KDM6B: variants seen among roughly 807,000 people sequenced by gnomAD.
KDM6B encodes the protein lysine demethylase 6B, also known as lysine-specific demethylase 6B.
Under a neutral mutation model 150.4 loss-of-function variants are expected in KDM6B, and 22 were observed. The observed-to-expected ratio is 0.15, with a 90% CI of 0.10 to 0.21. The LOEUF (loss-of-function observed/expected upper bound fraction) is 0.21, where lower values mean the gene tolerates loss of function less well. Among genes scored for constraint, KDM6B ranks in the 10% least tolerant of loss-of-function variants. The pLI, the probability that KDM6B is intolerant of heterozygous loss-of-function variation, is 1.00. For missense variants in KDM6B, 1,984 were observed against 2,234.3 expected (o/e 0.89, Z 2.26); for synonymous variants, 1,148 against 921.1 (o/e 1.25, Z -4.46).
chr17:7,846,803 C>T lies in KDM6B; in HGVS notation c.712-16C>T, dbSNP rs926857741. ...AGGACTTGGGAATGGGATTCTCACACTCTCTTCTCTCCTAGACTGGCCTTC... is the reference window on the plus strand; with the variant it reads ...AGGACTTGGGAATGGGATTCTCACATTCTCTTCTCTCCTAGACTGGCCTTC... On this transcript the variant is annotated splice_polypyrimidine_tract_variant and intron_variant, in intron 9 of 23. Transcript: ENST00000448097. The T allele has an allele frequency of 3.1e-6, 5 of 1,613,624 alleles. No individual in the cohort carries two copies. Among genetic ancestry groups the T allele is most frequent in the South Asian group, 1.1e-5 (1 of 91,080 alleles).
At chr17:7,840,676 G>A (rs1409986465) in intron 2 of KDM6B, 2 of 152,344 alleles carry the variant, frequency 1.3e-5, no homozygotes, top group Non-Finnish European at 1.5e-5. Flanking sequence ...AGGGGCTTAA[G>A]TTCTCTCTGT....
chr17:7,839,714 C>A (rs192774647), intron 1 of KDM6B, among the ~76,000 whole-genome samples, 192 bp from the exon 2 acceptor site: 1 of 152,102 alleles, frequency 6.6e-6, no homozygotes, highest in Non-Finnish European at 1.5e-5. Context: ...ACCAACTGAT[C>A]GAGCCTGCTT....
rs577570339 is a variant in KDM6B, at chr17:7,847,528, CTG to C, written c.1258-17_1258-16del. The C allele has an allele frequency of 2.4e-4, 391 of 1,613,132 alleles. 1 individual carries two copies. The East Asian group carries it at 8.2e-3, about 34-fold the overall frequency. ...GCAGCCCGAGCAATGCTCCTACCAC[CTG>C]CTTCTACACTTGCAGCCCGGCGCTG... On this transcript the variant is annotated splice_polypyrimidine_tract_variant and intron_variant, in intron 11 of 23. Coordinates refer to ENST00000448097, the MANE Select transcript of KDM6B (RefSeq NM_001348716.2).
chr17:7,848,574 G>A lies in KDM6B; in HGVS notation c.2286G>A (p.Thr762=), dbSNP rs1225040081. The part of the protein sequence containing the change: ...TTTTTTTTTT[T]ATQEEEKKPP... ...CCACCACCACCACCACCACCACCAC[G>A]GCCACCCAGGAAGAGGAGAAGAAGC... Residue 762 remains threonine (T), a synonymous_variant, in exon 12 of 24, where the codon ACG becomes ACA. Transcript: ENST00000448097. 7.9e-6 allele frequency: 11 copies of A among 1,398,298 alleles called. No individual in the cohort carries two copies. Among genetic ancestry groups the A allele is most frequent in the Admixed American group, 2.0e-5 (1 of 49,560 alleles). The allele number at this position is 1,398,298 out of a possible 1,614,324, so 86.6% of individuals were successfully genotyped here.
In KDM6B at chr17:7,853,644, C is replaced by T. The variant is rs563197638; in HGVS notation, c.*123C>T. 10 of 570,950 alleles carry T rather than the reference C, an allele frequency of 1.8e-5. No individual in the cohort carries two copies. Among genetic ancestry groups the T allele is most frequent in the Non-Finnish European group, 2.6e-5 (10 of 385,748 alleles). The allele number at this position is 570,950 out of a possible 1,614,324, so 35.4% of individuals were successfully genotyped here. A position where few individuals can be genotyped will look rare whatever the true frequency, so the allele number is the denominator to read the frequency against. ...GGGGTCGGGCCCAGCCCTTCCACCCCATTGGCAGCTCCCCTCACTTAATTT... is the reference window on the plus strand; with the variant it reads ...GGGGTCGGGCCCAGCCCTTCCACCCTATTGGCAGCTCCCCTCACTTAATTT... On this transcript the variant is annotated 3_prime_UTR_variant, in exon 24 of 24. Coordinates refer to ENST00000448097, the MANE Select transcript of KDM6B (RefSeq NM_001348716.2).
chr17:7,851,930 G>A (rs777800049), intron 18 of KDM6B, 21 bp from the exon 19 acceptor site: 9 of 1,611,622 alleles, frequency 5.6e-6, no homozygotes, highest in Non-Finnish European at 6.8e-6. Flanking sequence ...CAGCCATGCC[G>A]TTCTCTGTCG....
intron 2 of KDM6B, among the ~76,000 whole-genome samples, chr17:7,841,096 A>G (rs1375745955): frequency 6.6e-6 from 1 of 152,190 alleles, no homozygotes; most frequent in Non-Finnish European, 1.5e-5. Flanking sequence ...CTGGGCCTCA[A>G]TTTCCTCATC....
chr17:7,850,991 C>T, intron 14 of KDM6B, 30 bp from the exon 15 acceptor site: 4 of 1,556,228 alleles, frequency 2.6e-6, no homozygotes, highest in Non-Finnish European at 3.5e-6. Flanking sequence ...CTGCCTCTGC[C>T]CCGACACCCT....
At position 7,834,233 on chromosome 17, in the gene KDM6B, C is replaced by T. The variant is rs1244013589; in HGVS notation, c.-505C>T. Reference sequence around the variant, plus strand: ...GGTGCGGGTGTTTGTGTTGGAAAATCCAACTGCGCCACTGGGCGGAGCGGC... The same window carrying T: ...GGTGCGGGTGTTTGTGTTGGAAAATTCAACTGCGCCACTGGGCGGAGCGGC... On this transcript the variant is annotated 5_prime_UTR_variant, in exon 1 of 24. Coordinates refer to ENST00000448097, the MANE Select transcript of KDM6B (RefSeq NM_001348716.2). Among the ~76,000 whole-genome samples, 1 of 151,164 alleles carries T rather than the reference C, an allele frequency of 6.6e-6. No individual in the cohort carries two copies. Among genetic ancestry groups the T allele is most frequent in the Non-Finnish European group, 1.5e-5 (1 of 67,682 alleles).
rs565801774 is a variant in KDM6B at position 7,849,091 on chromosome 17, C to T, written c.2803C>T (p.Pro935Ser). 73 of 1,612,498 alleles carry T rather than the reference C, an allele frequency of 4.5e-5. No homozygotes were observed. Among genetic ancestry groups the T allele is most frequent in the African/African-American group, 6.7e-5 (5 of 75,048 alleles). ...VERVGRSATD[P>S]ADPVDTAEPA... ...GCGGGTGGGCCGGAGTGCCACTGAC[C>T]CAGCCGACCCAGTGGACACAGCAGA... Residue 935 changes from proline (P) to serine (S), a missense_variant, in exon 12 of 24, where the codon CCA becomes TCA. Transcript: ENST00000448097.
intron 3 of KDM6B, 38 bp downstream of exon 3, chr17:7,845,058 C>A (rs2078503822): frequency 4.4e-6 from 1 of 228,422 alleles, no homozygotes; most frequent in Non-Finnish European, 9.0e-6. Flanking sequence ...CCCAGTGGCT[C>A]CGGACTGGAA....
rs2078621348 is a variant in KDM6B, at chr17:7,848,687, CGGCCAGCCT to C, written c.2401_2409del (p.Ala801_Leu803del). Reference sequence around the variant, plus strand: ...CCACCACCACCCCCACCCCCCAGCCCGGCCAGCCTGCTCAAATCCTTGGCCTCCGTGCTG... The same window carrying C: ...CCACCACCACCCCCACCCCCCAGCCCGCTCAAATCCTTGGCCTCCGTGCTG... On this transcript the variant is annotated inframe_deletion, in exon 12 of 24. Coordinates refer to ENST00000448097, the MANE Select transcript of KDM6B (RefSeq NM_001348716.2). 6.2e-7 allele frequency: 1 copy of C among 1,612,072 alleles called. No homozygotes were observed. Among genetic ancestry groups the C allele is most frequent in the Non-Finnish European group, 8.5e-7 (1 of 1,179,840 alleles).
rs540844940 is a variant in KDM6B, at chr17:7,845,968, A to G, written c.234A>G (p.Pro78=). The change falls in exon 6 of 24, where the codon CCA becomes CCG. Residue 78 remains proline (P), a splice_region_variant and synonymous_variant. Transcript: ENST00000448097. Reference sequence around the variant, plus strand: ...ACCCCAGCAAACCATATTATGCTCCAGGGTGAGTGGATATTTGAAGGTTCT... The same window carrying G: ...ACCCCAGCAAACCATATTATGCTCCGGGGTGAGTGGATATTTGAAGGTTCT... ...SGHPSKPYYA[P]GAPTPRPLHG... 61 of 1,613,398 alleles carry G rather than the reference A, an allele frequency of 3.8e-5. No individual in the cohort carries two copies. Among genetic ancestry groups the G allele is most frequent in the Non-Finnish European group, 4.8e-5 (57 of 1,179,460 alleles).
Position 7,852,143 on chromosome 17 carries a change from C to T in KDM6B, c.4281-6C>T, listed in dbSNP as rs1858852586. ...AGTTCCCACCTGACCTGTGGCCACC[C>T]CGCAGGCACGGCGTGGACTACTTGA... On this transcript the variant is annotated splice_region_variant and splice_polypyrimidine_tract_variant and intron_variant, in intron 19 of 23. Coordinates refer to ENST00000448097, the MANE Select transcript of KDM6B (RefSeq NM_001348716.2). 1.2e-6 allele frequency: 2 copies of T among 1,614,054 alleles called. No individual in the cohort carries two copies. Among genetic ancestry groups the T allele is most frequent in the Non-Finnish European group, 1.7e-6 (2 of 1,180,026 alleles).
rs944896773 is a variant in KDM6B, at chr17:7,844,193, G to C, written c.-268-708G>C. 2 of 152,140 alleles carry C rather than the reference G, an allele frequency of 1.3e-5. No homozygotes were observed. The highest frequency in any genetic ancestry group is 4.8e-5 in the African/African-American group (2 of 41,448). 9.4% of individuals were successfully genotyped at this position (152,140 alleles called of 1,614,324 possible). A position where few individuals can be genotyped will look rare whatever the true frequency, so the allele number is the denominator to read the frequency against. On this transcript the variant is annotated intron_variant, in intron 2 of 23. Coordinates refer to ENST00000448097, the MANE Select transcript of KDM6B (RefSeq NM_001348716.2). This position sits in a 1 kb window ranked among gnomAD's most constrained non-coding sequence, Gnocchi z 5.9. ...GTGGGGAACCGCGTGGCCCCGGCGGGGAAGGGCAGAGAGGATACGCGAGCC... is the reference window on the plus strand; with the variant it reads ...GTGGGGAACCGCGTGGCCCCGGCGGCGAAGGGCAGAGAGGATACGCGAGCC...
chr17:7,850,237 C>A (rs2078664395), intron 14 of KDM6B, 60 bp downstream of exon 14: 4 of 1,378,286 alleles, frequency 2.9e-6, no homozygotes, highest in African/African-American at 1.4e-5. Context: ...CATGTAGGAC[C>A]CTCTGAGAAA....
rs2078510919 is a variant in KDM6B at position 7,845,390 on chromosome 17, C to T, written c.-72C>T. ...ATCAGAGCGGCTGGAGCCGGACCATCGTCCCAGAGAGCTGGGGCAGGGGGC... is the reference window on the plus strand; with the variant it reads ...ATCAGAGCGGCTGGAGCCGGACCATTGTCCCAGAGAGCTGGGGCAGGGGGC... On this transcript the variant is annotated 5_prime_UTR_variant, in exon 4 of 24. Coordinates refer to ENST00000448097, the MANE Select transcript of KDM6B (RefSeq NM_001348716.2). The T allele has an allele frequency of 3.5e-6, 3 of 855,040 alleles. No homozygotes were observed. Among genetic ancestry groups the T allele is most frequent in the Non-Finnish European group, 5.9e-6 (3 of 508,198 alleles). 53.0% of individuals were successfully genotyped at this position (855,040 alleles called of 1,614,324 possible).
Position 7,849,012 on chromosome 17 carries a change from C to A in KDM6B, c.2724C>A (p.Arg908=). Reference sequence around the variant, plus strand: ...CACCCCTATCTCTGCCCCCTGCTCGCTCTGAGTCTGAGGTGCTAGAAGAGA... The same window carrying A: ...CACCCCTATCTCTGCCCCCTGCTCGATCTGAGTCTGAGGTGCTAGAAGAGA... The part of the protein sequence containing the change: ...PPPPLSLPPA[R]SESEVLEEIS... The change falls in exon 12 of 24, where the codon CGC becomes CGA. Residue 908 remains arginine (R), a synonymous_variant. Transcript: ENST00000448097. The A allele has an allele frequency of 6.3e-7, 1 of 1,599,554 alleles. No homozygotes were observed. The highest frequency in any genetic ancestry group is 8.5e-7 in the Non-Finnish European group (1 of 1,171,722).
Position 7,849,101 on chromosome 17 carries a change from C to T in KDM6B, c.2813C>T (p.Pro938Leu), listed in dbSNP as rs1309758053. The change falls in exon 12 of 24, where the codon CCA becomes CTA. Residue 938 changes from proline to leucine, a missense_variant. By Grantham distance (98) the Pro-to-Leu change is moderately conservative. This residue lies in a region of KDM6B where 1,379 missense variants were observed against 1,275.6 expected (regional missense o/e 1.08). Coordinates refer to ENST00000448097, the MANE Select transcript of KDM6B (RefSeq NM_001348716.2). The part of the protein sequence containing the change: ...VGRSATDPAD[P>L]VDTAEPADSG... ...CGGAGTGCCACTGACCCAGCCGACCCAGTGGACACAGCAGAGCCAGCGGAC... is the reference window on the plus strand; with the variant it reads ...CGGAGTGCCACTGACCCAGCCGACCTAGTGGACACAGCAGAGCCAGCGGAC... 6.2e-7 allele frequency: 1 copy of T among 1,612,538 alleles called. No individual in the cohort carries two copies. The highest frequency in any genetic ancestry group is 8.5e-7 in the Non-Finnish European group (1 of 1,179,918).
Sources: gnomAD v4.1 joint callset for allele counts (sites outside exome capture counted in the v4.1 genomes callset) on GRCh38, gnomAD v4.1.1 for gene constraint, gnomAD v4.1.1 regional missense constraint, Gnocchi (gnomAD v3.1) non-coding constraint, MANE v1.5 for transcripts, NCBI Gene and HGNC (gene_info 2026-07-23, HGNC 2026-07-21) for gene names.